The following CYFIP2 variants were observed in gnomAD, a reference collection of about 807,000 sequenced individuals.
CYFIP2 encodes cytoplasmic FMR1 interacting protein 2.
In CYFIP2, 29 loss-of-function variants were observed where a neutral mutation model predicts 158.7. The ratio of observed to expected loss-of-function variants is 0.18; its 90% CI spans 0.14 to 0.25. The LOEUF (loss-of-function observed/expected upper bound fraction) is 0.25. CYFIP2 is among the 10% of genes least tolerant of loss of function. CYFIP2 has a pLI of 1.00. For synonymous variants in CYFIP2, 585 were observed against 617.6 expected, an observed-to-expected ratio of 0.95 and a Z score of 0.78; for missense variants, 852 against 1,639.5, an observed-to-expected ratio of 0.52 and a Z score of 8.29.
rs1304050175 is a variant in CYFIP2 at position 157,392,908 on chromosome 5, T to C, written c.3670T>C (p.Tyr1224His). ...TGAGGTTTTTGCCATCCTGAACAAA[T>C]ACATGAAGTCCGTGGAGACAGACAG... ...NNEVFAILNK[Y>H]MKSVETDSST... is the part of the protein sequence containing the mutation. Residue 1224 changes from tyrosine to histidine, a missense_variant, in exon 31 of 31, where the codon TAC becomes CAC. By Grantham distance (83) the Tyr-to-His change is moderately conservative. Around this residue, in one of 8 missense-constraint regions of CYFIP2, gnomAD observed 223 missense variants for 381.6 expected, o/e 0.58. Transcript: ENST00000620254. The C allele has an allele frequency of 6.2e-7, 1 of 1,613,930 alleles. No individual in the cohort carries two copies. The highest frequency in any genetic ancestry group is 1.7e-5 in the Admixed American group (1 of 60,014).
chr5:157,340,052 A>G (rs1762135668), intron 22 of CYFIP2, among the ~76,000 whole-genome samples: 1 of 152,256 alleles, frequency 6.6e-6, no homozygotes, highest in African/African-American at 2.4e-5. Flanking sequence ...AACAGCATAC[A>G]TTTGCAGAGC....
intron 3 of CYFIP2, chr5:157,288,597 G>A (rs1391407631): frequency 4.4e-6 from 2 of 455,912 alleles, no homozygotes; most frequent in East Asian, 1.4e-4. Context: ...TTTATCGAAT[G>A]CTTTTTCTAT....
At chr5:157,375,212 A>G (rs1765347275) in intron 26 of CYFIP2, among the ~76,000 whole-genome samples, 1 of 152,356 alleles carries the variant, frequency 6.6e-6, no homozygotes, top group Middle Eastern at 3.4e-3. Context: ...AGATGAGACC[A>G]GGCCTTTGGC....
At chr5:157,391,735 A>AT (rs1489833010) in intron 30 of CYFIP2, among the ~76,000 whole-genome samples, 1 of 152,212 alleles carries the variant, frequency 6.6e-6, no homozygotes, top group Non-Finnish European at 1.5e-5. Flanking sequence ...ACCATGAAAC[A>AT]TGGGTGTACA....
chr5:157,327,847 C>A, intron 18 of CYFIP2, 126 bp from the exon 19 acceptor site: 1 of 818,278 alleles, frequency 1.2e-6, no homozygotes, highest in Non-Finnish European at 1.9e-6. Context: ...TATTTTTCCC[C>A]TTCAAAGCGT....
chr5:157,301,472 C>T (rs575797253), intron 6 of CYFIP2, among the ~76,000 whole-genome samples: 1 of 152,310 alleles, frequency 6.6e-6, no homozygotes, highest in East Asian at 1.9e-4. Context: ...GGACAGGATG[C>T]TTCTCCTTCC....
At chr5:157,334,470 G>T (rs1473319961) in intron 21 of CYFIP2, among the ~76,000 whole-genome samples, 1 of 152,112 alleles carries the variant, frequency 6.6e-6, no homozygotes, top group Non-Finnish European at 1.5e-5. Flanking sequence ...TAGGATACTT[G>T]CATAGTCTCA....
In CYFIP2 at chr5:157,392,736, T is replaced by TG. The variant is rs1269441376; in HGVS notation, c.3595-96dup. 8.3e-6 allele frequency: 11 copies of TG among 1,329,732 alleles called. No individual in the cohort carries two copies. The East Asian group carries it at 2.6e-4, about 31-fold the overall frequency. 82.4% of individuals were successfully genotyped at this position (1,329,732 alleles called of 1,614,324 possible). A position where few individuals can be genotyped will look rare whatever the true frequency, so the allele number is the denominator to read the frequency against. ...TTTAAGAAAGTGACATGATCACTGATGCAGGGGACCCTGGACCTCAGTGAC... is the reference window on the plus strand; with the variant it reads ...TTTAAGAAAGTGACATGATCACTGATGGCAGGGGACCCTGGACCTCAGTGAC... On this transcript the variant is annotated intron_variant, in intron 30 of 30. Transcript: ENST00000620254.
rs571959603 is a variant in CYFIP2, at chr5:157,326,699, C to G, written c.2079+432C>G. Among the ~76,000 whole-genome samples the G allele has an allele frequency of 2.6e-5, 4 of 152,316 alleles. No homozygotes were observed. In the South Asian group the frequency reaches 8.3e-4, roughly 32 times the overall value. ...GCCGCCTGTAGAAGGCTTCTCAGAACTGGTTCTAGAAGGGGAGAATGGGGC... is the reference window on the plus strand; with the variant it reads ...GCCGCCTGTAGAAGGCTTCTCAGAAGTGGTTCTAGAAGGGGAGAATGGGGC... On this transcript the variant is annotated intron_variant, in intron 18 of 30. Coordinates refer to ENST00000620254, the MANE Select transcript of CYFIP2 (RefSeq NM_001037333.3).
intron 8 of CYFIP2, among the ~76,000 whole-genome samples, chr5:157,305,791 G>A (rs180878728): frequency 1.5e-3 from 231 of 152,298 alleles, no homozygotes; most frequent in African/African-American, 5.1e-3. Context: ...CTGGGATTAC[G>A]TGCATGAGGC....
At chr5:157,320,097 A>C (rs1760470205) in intron 14 of CYFIP2, among the ~76,000 whole-genome samples, 169 bp downstream of exon 14, 2 of 152,202 alleles carry the variant, frequency 1.3e-5, no homozygotes, top group Admixed American at 1.3e-4. Context: ...CATCTCTAGA[A>C]GTCCATATCC....
Position 157,357,975 on chromosome 5 carries a change from G to A in CYFIP2, c.2674-1030G>A, listed in dbSNP as rs76843754. On this transcript the variant is annotated intron_variant, in intron 23 of 30. Transcript: ENST00000620254. ...GAATCAGCCGTACCCACTTCAGGGT[G>A]AGTGCAGGCTTTTTCCCACCTGAGC... Among the ~76,000 whole-genome samples, 718 of 152,330 alleles carry A rather than the reference G, an allele frequency of 4.7e-3. 6 individuals are homozygous for A. Among genetic ancestry groups the A allele is most frequent in the Non-Finnish European group, 5.0e-3 (340 of 68,026 alleles).
At chr5:157,277,260 ACCTCAGGAGATCCGCCCATCTTGG>A (rs1034638053) in intron 1 of CYFIP2, 2 of 152,208 alleles carry the variant, frequency 1.3e-5, no homozygotes, top group African/African-American at 2.4e-5. Flanking sequence ...CGAACTCCTG[ACCTCAGGAGATCCGCCCATCTTGG>A]CCTCCCAAAG....
At chr5:157,384,665 C>A in intron 28 of CYFIP2, 4 of 377,690 alleles carry the variant, frequency 1.1e-5, no homozygotes, top group South Asian at 7.8e-5. Flanking sequence ...TGGGGCCGGG[C>A]GCGGTGGCTC....
At position 157,388,773 on chromosome 5, in the gene CYFIP2, C is replaced by T. The variant is rs141566923; in HGVS notation, c.3208-416C>T. On this transcript the variant is annotated intron_variant, in intron 28 of 30. Transcript: ENST00000620254. The stretch of plus-strand genomic sequence containing the variant: ...ATGGGGAGAGTAATGGCATCTACCT[C>T]ATGGGATGGAATGGACTCAATACCT... Among the ~76,000 whole-genome samples the T allele has an allele frequency of 1.3e-3, 199 of 152,314 alleles. 2 individuals carry two copies. The highest frequency in any genetic ancestry group is 0.012 in the South Asian group (57 of 4,822).
At chr5:157,296,451 G>A (rs1430765003) in intron 4 of CYFIP2, 1 of 524,084 alleles carries the variant, frequency 1.9e-6, no homozygotes, top group African/African-American at 1.9e-5. Context: ...AAAATTAGCT[G>A]GATATAGTGT....
Position 157,322,763 on chromosome 5 carries a change from C to T in CYFIP2, c.1672-1158C>T, listed in dbSNP as rs529644845. ...AGGGAAGCTCCAGAGGCAGCGAAGA[C>T]GAACGCGGTTGCTGGGAGGTTGGAG... On this transcript the variant is annotated intron_variant, in intron 15 of 30. Coordinates refer to ENST00000620254, the MANE Select transcript of CYFIP2 (RefSeq NM_001037333.3). Among the ~76,000 whole-genome samples, 95 of 152,358 alleles carry T rather than the reference C, an allele frequency of 6.2e-4. 2 individuals are homozygous for T. The highest frequency in any genetic ancestry group is 1.3e-3 in the African/African-American group (55 of 41,584).
At chr5:157,377,727 T>G (rs1292340778) in intron 26 of CYFIP2, among the ~76,000 whole-genome samples, 1 of 152,220 alleles carries the variant, frequency 6.6e-6, no homozygotes, top group African/African-American at 2.4e-5. Context: ...TGGTACAACC[T>G]TGTTGGGTAT....
intron 23 of CYFIP2, among the ~76,000 whole-genome samples, chr5:157,352,059 A>G (rs1763107588): frequency 6.6e-6 from 1 of 152,244 alleles, no homozygotes; most frequent in Non-Finnish European, 1.5e-5. Context: ...TATATGAATC[A>G]AAACTTTAAG....
Sources: allele counts gnomAD v4.1 joint callset (sites outside exome capture counted in the v4.1 genomes callset), GRCh38; gene constraint gnomAD v4.1.1; regional missense constraint gnomAD v4.1.1; transcripts MANE v1.5; gene names NCBI Gene and HGNC (gene_info 2026-07-23, HGNC 2026-07-21).